FRMPD3: variants seen among roughly 807,000 people sequenced by gnomAD.
FRMPD3 encodes FERM and PDZ domain-containing protein 3.
FRMPD3 carries 42 observed loss-of-function variants against 97.9 expected under a neutral mutation model. The ratio of observed to expected loss-of-function variants is 0.43; its 90% CI spans 0.34 to 0.55. The LOEUF is 0.55. FRMPD3 is among the 20% of genes least tolerant of loss of function. FRMPD3 has a pLI of 0.03. For synonymous variants in FRMPD3, 577 were observed against 581.1 expected (o/e 0.99, Z 0.10); for missense variants, 1,303 against 1,457.7 (o/e 0.89, Z 1.73).
chrX:107,547,824 G>T (rs1231860469), intron 5 of FRMPD3, among the ~76,000 whole-genome samples: 2 of 111,795 alleles, frequency 1.8e-5, no homozygotes, highest in African/African-American at 6.5e-5. Flanking sequence ...ATCCTTGCCA[G>T]CTCTATTTTT....
At position 107,602,244 on chromosome X, in the gene FRMPD3, A is replaced by G. The variant is rs1459901429; in HGVS notation, c.4205A>G (p.Gln1402Arg). ...CGCTACAGTATCAGTGAGCTGGACCAGGGTGACAGGGCCTCGCTGACCTCG... is the reference window on the plus strand; with the variant it reads ...CGCTACAGTATCAGTGAGCTGGACCGGGGTGACAGGGCCTCGCTGACCTCG... ...MRRYSISELD[Q>R]GDRASLTSDV... Residue 1402 changes from glutamine to arginine, a missense_variant, in exon 15 of 15, where the codon CAG (glutamine) becomes CGG (arginine). Gln to Arg is a conservative substitution (Grantham distance 43, BLOSUM62 1). Coordinates refer to ENST00000683843, the MANE Select transcript of FRMPD3 (RefSeq NM_001388459.1). The G allele has an allele frequency of 1.7e-6, 2 of 1,207,275 alleles. No homozygotes were observed. Among genetic ancestry groups the G allele is most frequent in the African/African-American group, 1.7e-5 (1 of 57,216 alleles).
At chrX:107,558,221 G>A (rs1922195423) in intron 8 of FRMPD3, among the ~76,000 whole-genome samples, 1 of 110,305 alleles carries the variant, frequency 9.1e-6, no homozygotes, top group South Asian at 3.9e-4. Flanking sequence ...CAGTATATAG[G>A]TCTTTCATAT....
intron 10 of FRMPD3, among the ~76,000 whole-genome samples, chrX:107,561,862 C>T (rs1922378400): frequency 8.9e-6 from 1 of 112,554 alleles, no homozygotes; most frequent in African/African-American, 3.2e-5. Flanking sequence ...CCTCAGGTAA[C>T]ATTTTTTTCG....
chrX:107,565,275 A>G (rs750688490), intron 12 of FRMPD3, among the ~76,000 whole-genome samples: 1 of 112,283 alleles, frequency 8.9e-6, no homozygotes, highest in South Asian at 3.7e-4. Context: ...AGCCAGCACT[A>G]AGGAATGCTA....
rs1410071113 is a variant in FRMPD3 at position 107,526,714 on chromosome X, G to A, written c.126G>A (p.Val42=). ...TCGTGGCTGGCAGTGAGAGGCCTGTGGTGGTTCGATCTGTGAGGCCAGGTA... is the reference window on the plus strand; with the variant it reads ...TCGTGGCTGGCAGTGAGAGGCCTGTAGTGGTTCGATCTGTGAGGCCAGGTA... ...FGFVAGSERP[V]VVRSVRPGGP... Residue 42 remains valine (V), a synonymous_variant, in exon 2 of 15, where the codon GTG becomes GTA. Coordinates refer to ENST00000683843, the MANE Select transcript of FRMPD3 (RefSeq NM_001388459.1). The A allele has an allele frequency of 1.7e-6, 2 of 1,199,851 alleles. No homozygotes were observed. The highest frequency in any genetic ancestry group is 2.2e-5 in the Admixed American group (1 of 45,027).
At position 107,530,388 on chromosome X, in the gene FRMPD3, CCT is replaced by C. The variant is rs778361939; in HGVS notation, c.149-15_149-14del. ...CCAGCAGTAACCCTAAGCCCTCACA[CCT>C]CTCTCCTCTCCTTTGCAGGAGGCCC... is the stretch of plus-strand genomic sequence containing the variant. On this transcript the variant is annotated intron_variant, in intron 2 of 14. Coordinates refer to ENST00000683843, the MANE Select transcript of FRMPD3 (RefSeq NM_001388459.1). 1 of 1,141,102 alleles carries C rather than the reference CCT, an allele frequency of 8.8e-7. No homozygotes were observed. Among genetic ancestry groups the C allele is most frequent in the East Asian group, 3.2e-5 (1 of 31,371 alleles). The allele number at this position is 1,141,102 out of a possible 1,213,427, so 94.0% of individuals were successfully genotyped here.
In FRMPD3 at chrX:107,564,763, C is replaced by T. The variant is rs1161469643; in HGVS notation, c.1117-124C>T. 4 of 715,545 alleles carry T rather than the reference C, an allele frequency of 5.6e-6. No homozygotes were observed. The Admixed American group carries it at 1.1e-4, about 19-fold the overall frequency. The allele number at this position is 715,545 out of a possible 1,213,427, so 59.0% of individuals were successfully genotyped here. Reference sequence around the variant, plus strand: ...AGGTTGTCCTACTGTGGCACTGAGCCCCAGATATTTTCAGACCCCACCAGA... The same window carrying T: ...AGGTTGTCCTACTGTGGCACTGAGCTCCAGATATTTTCAGACCCCACCAGA... On this transcript the variant is annotated intron_variant, in intron 11 of 14. Coordinates refer to ENST00000683843, the MANE Select transcript of FRMPD3 (RefSeq NM_001388459.1).
intron 12 of FRMPD3, among the ~76,000 whole-genome samples, chrX:107,574,797 A>G (rs1287167054): frequency 1.8e-5 from 2 of 112,128 alleles, no homozygotes; most frequent in Non-Finnish European, 3.8e-5. Context: ...AGACTGTTGC[A>G]GTAGCCTCCT....
intron 1 of FRMPD3, among the ~76,000 whole-genome samples, chrX:107,507,789 C>T (rs1186581368): frequency 8.9e-6 from 1 of 112,544 alleles, no homozygotes; most frequent in African/African-American, 3.2e-5. Context: ...TTTATCCTAA[C>T]TCAGTCCCTT....
chrX:107,571,516 G>T (rs1051382385), intron 12 of FRMPD3, among the ~76,000 whole-genome samples: 3 of 112,153 alleles, frequency 2.7e-5, no homozygotes, highest in Non-Finnish European at 5.6e-5. Flanking sequence ...GCTGTGCTGA[G>T]CCAGCTGGGG....
chrX:107,481,733 C>A (rs750429109), intron 1 of FRMPD3, among the ~76,000 whole-genome samples: 100 of 111,787 alleles, frequency 8.9e-4, no homozygotes, highest in African/African-American at 3.0e-3. Context: ...GGACTTCACC[C>A]TTCTTGAAAA....
chrX:107,511,787 G>A (rs769680566), intron 1 of FRMPD3, among the ~76,000 whole-genome samples: 41 of 112,291 alleles, frequency 3.7e-4, no homozygotes, highest in South Asian at 1.8e-3. Context: ...TTTACAGTTC[G>A]GCCTTTGACA....
At chrX:107,532,226 C>G (rs1344536839) in intron 3 of FRMPD3, among the ~76,000 whole-genome samples, 2 of 112,617 alleles carry the variant, frequency 1.8e-5, no homozygotes, top group African/African-American at 6.4e-5. Context: ...TGCAACTAAA[C>G]AGTAGGGTCA....
At position 107,449,898 on chromosome X, in the gene FRMPD3, TGCC is replaced by T. The variant is rs895928073; in HGVS notation, c.-94_-92del. 2.8e-4 allele frequency among the ~76,000 whole-genome samples: 30 copies of T among 107,694 alleles called. No individual in the cohort carries two copies. The highest frequency in any genetic ancestry group is 8.7e-4 in the African/African-American group (26 of 29,985). The allele number at this position is 107,694 out of a possible 115,157, so 93.5% of individuals were successfully genotyped here. ...GGGGGCACGGGTGCCCTAGTCCCGC[TGCC>T]GCCGCCGCCGCCGCCGCCGCTGCGC... On this transcript the variant is annotated 5_prime_UTR_variant, in exon 1 of 15. Coordinates refer to ENST00000683843, the MANE Select transcript of FRMPD3 (RefSeq NM_001388459.1).
At chrX:107,482,678 C>G (rs756457341) in intron 1 of FRMPD3, among the ~76,000 whole-genome samples, 1 of 111,732 alleles carries the variant, frequency 8.9e-6, no homozygotes, top group South Asian at 3.8e-4. Flanking sequence ...ATCACTATCA[C>G]AATAATGTAG....
intron 14 of FRMPD3, 141 bp from the exon 15 acceptor site, chrX:107,600,162 C>A: frequency 1.4e-6 from 1 of 724,837 alleles, no homozygotes; most frequent in Non-Finnish European, 2.0e-6. Context: ...CATTTCGTAT[C>A]AGGGACTTGA....
intron 1 of FRMPD3, among the ~76,000 whole-genome samples, chrX:107,461,917 C>G (rs781045114): frequency 2.8e-5 from 3 of 108,108 alleles, no homozygotes; most frequent in Middle Eastern, 4.3e-3. Flanking sequence ...CACTGTACCC[C>G]ACTTGGTGCT....
intron 1 of FRMPD3, among the ~76,000 whole-genome samples, chrX:107,474,906 G>C (rs1297391873): frequency 2.7e-5 from 3 of 112,318 alleles, no homozygotes; most frequent in Non-Finnish European, 5.6e-5. Flanking sequence ...TGGGGATTTT[G>C]TGCTCTGCAG....
intron 12 of FRMPD3, among the ~76,000 whole-genome samples, chrX:107,571,096 A>G (rs763556622): frequency 1.8e-5 from 2 of 111,929 alleles, no homozygotes; most frequent in South Asian, 7.6e-4. Context: ...GGCCATTACC[A>G]TACCCCATTA....
Sources: gnomAD v4.1 joint callset for allele counts (sites outside exome capture counted in the v4.1 genomes callset) on GRCh38, gnomAD v4.1.1 for gene constraint, MANE v1.5 for transcripts, NCBI Gene and HGNC (gene_info 2026-07-23, HGNC 2026-07-21) for gene names.